Variants in GATAD2A observed in about 807,000 individuals in gnomAD.
GATAD2A encodes the protein GATA zinc finger domain containing 2A.
A neutral mutation model predicts 68.5 loss-of-function variants in GATAD2A; 12 were observed. The ratio of observed to expected loss-of-function variants is 0.18; its 90% CI spans 0.11 to 0.28. The LOEUF (loss-of-function observed/expected upper bound fraction) is 0.28. GATAD2A is among the 10% of genes least tolerant of loss of function. The pLI is 1.00. For missense variants in GATAD2A, 755 were observed against 868.5 expected (o/e 0.87, Z 1.64); for synonymous variants, 410 against 375.3 (o/e 1.09, Z -1.07).
upstream of GATAD2A, among the ~76,000 whole-genome samples, chr19:19,404,571 A>G (rs1019785169): frequency 1.3e-5 from 2 of 152,110 alleles, no homozygotes; most frequent in African/African-American, 4.8e-5. Flanking sequence ...AATCCCAGCT[A>G]CTGGGGAGGC....
Position 19,505,653 on chromosome 19 carries a change from C to A in GATAD2A, c.*179C>A. 1 of 558,520 alleles carries A rather than the reference C, an allele frequency of 1.8e-6. No homozygotes were observed. Among genetic ancestry groups the A allele is most frequent in the East Asian group, 3.4e-5 (1 of 29,164 alleles). The allele number at this position is 558,520 out of a possible 1,614,324, so 34.6% of individuals were successfully genotyped here. A position where few individuals can be genotyped will look rare whatever the true frequency, so the allele number is the denominator to read the frequency against. On this transcript the variant is annotated 3_prime_UTR_variant, in exon 12 of 12. Coordinates refer to ENST00000683918, the MANE Select transcript of GATAD2A (RefSeq NM_001384528.1). Reference sequence around the variant, plus strand: ...TCTTGGCTGCAAAGTTTCATCAGGGCTAGGGGGCTGGTGCCGCCTCATAGG... The same window carrying A: ...TCTTGGCTGCAAAGTTTCATCAGGGATAGGGGGCTGGTGCCGCCTCATAGG...
At chr19:19,472,380 C>A (rs2058375104) in intron 2 of GATAD2A, 1 of 151,544 alleles carries the variant, frequency 6.6e-6, no homozygotes, top group Non-Finnish European at 1.5e-5. Context: ...GTTGCCCAGA[C>A]TGGAGTGTGG....
chr19:19,494,802 C>G (rs938042719), intron 5 of GATAD2A, among the ~76,000 whole-genome samples: 2 of 152,212 alleles, frequency 1.3e-5, no homozygotes, highest in Non-Finnish European at 1.5e-5. Flanking sequence ...CAGGCCTGAG[C>G]CCTCAGCTTG....
At chr19:19,490,908 T>C (rs2059751049) in intron 2 of GATAD2A, among the ~76,000 whole-genome samples, 1 of 152,108 alleles carries the variant, frequency 6.6e-6, no homozygotes, top group Admixed American at 6.5e-5. Flanking sequence ...GAGAATACAA[T>C]GAACCCAGAT....
At chr19:19,440,928 TCCTTTTCTTCCTTC>T in intron 1 of GATAD2A, among the ~76,000 whole-genome samples, 1 of 117,650 alleles carries the variant, frequency 8.5e-6, no homozygotes, top group East Asian at 2.1e-4. Context: ...TCCCTTTCCT[TCCTTTTCTTCCTTC>T]CCTTTCCTTC....
At chr19:19,447,931 T>G (rs1361508444) in intron 1 of GATAD2A, among the ~76,000 whole-genome samples, 3 of 152,228 alleles carry the variant, frequency 2.0e-5, no homozygotes, top group Non-Finnish European at 4.4e-5. Flanking sequence ...GTTTCCAGTC[T>G]CAGGCCTTGA....
At chr19:19,416,692 A>G (rs1320419061) in intron 1 of GATAD2A, among the ~76,000 whole-genome samples, 1 of 151,996 alleles carries the variant, frequency 6.6e-6, no homozygotes, top group Non-Finnish European at 1.5e-5. Flanking sequence ...GCTTGGAAAA[A>G]TTGGAGTAGT....
intron 1 of GATAD2A, among the ~76,000 whole-genome samples, chr19:19,462,710 C>T (rs2057544378): frequency 1.3e-5 from 2 of 152,340 alleles, no homozygotes; most frequent in Middle Eastern, 3.4e-3. Context: ...GGCCCTGCTC[C>T]ATCCTGCATC....
rs1403045407 is a variant in GATAD2A, at chr19:19,505,866, AGCG to A, written c.*393_*395del. On this transcript the variant is annotated 3_prime_UTR_variant, in exon 12 of 12. Transcript: ENST00000683918. Reference sequence around the variant, plus strand: ...CACTGTGATGCGCATGGGCAAGGCCAGCGCCCGGGGCTTCTGAACCGAGCGGGG... The same window carrying A: ...CACTGTGATGCGCATGGGCAAGGCCACCCGGGGCTTCTGAACCGAGCGGGG... 1 of 401,504 alleles carries A rather than the reference AGCG, an allele frequency of 2.5e-6. No homozygotes were observed. Among genetic ancestry groups the A allele is most frequent in the Non-Finnish European group, 4.4e-6 (1 of 228,356 alleles). The allele number at this position is 401,504 out of a possible 1,614,324, so 24.9% of individuals were successfully genotyped here. A position where few individuals can be genotyped will look rare whatever the true frequency, so the allele number is the denominator to read the frequency against.
chr19:19,479,513 C>T (rs1376218746), intron 2 of GATAD2A, among the ~76,000 whole-genome samples: 3 of 152,154 alleles, frequency 2.0e-5, no homozygotes, highest in East Asian at 3.8e-4. Context: ...GACAGTTTCT[C>T]GTACTTTCTT....
intron 1 of GATAD2A, among the ~76,000 whole-genome samples, chr19:19,412,756 C>G (rs898674431): frequency 1.3e-5 from 2 of 152,158 alleles, no homozygotes; most frequent in Admixed American, 1.3e-4. Context: ...TGCAATTAAC[C>G]TTTGAGTCAG....
intron 1 of GATAD2A, among the ~76,000 whole-genome samples, chr19:19,418,841 C>T (rs992283235): frequency 3.3e-5 from 5 of 151,792 alleles, no homozygotes; most frequent in African/African-American, 1.2e-4. Flanking sequence ...GGGTTGTGGT[C>T]GCCGGAAGGA....
intron 2 of GATAD2A, among the ~76,000 whole-genome samples, chr19:19,466,051 C>T (rs989577472): frequency 5.9e-5 from 9 of 152,202 alleles, no homozygotes; most frequent in African/African-American, 1.4e-4. Context: ...GTTGGGAGCC[C>T]AGCCCAGGGC....
intron 2 of GATAD2A, among the ~76,000 whole-genome samples, chr19:19,489,281 T>TGAGCCTGGCGC (rs1278198105): frequency 6.6e-6 from 1 of 152,208 alleles, no homozygotes; most frequent in African/African-American, 2.4e-5. Context: ...AGCCCTGGGG[T>TGAGCCTGGCGC]GAGCCTGGCG....
At chr19:19,386,304 C>A (rs994315672) in intron 1 of GATAD2A, among the ~76,000 whole-genome samples, 1 of 152,086 alleles carries the variant, frequency 6.6e-6, no homozygotes, top group Non-Finnish European at 1.5e-5. Flanking sequence ...CTCCAGGGGA[C>A]CCCCGCCTCT....
At position 19,497,703 on chromosome 19, in the gene GATAD2A, G is replaced by A. The variant is rs191606421; in HGVS notation, c.925-740G>A. On this transcript the variant is annotated intron_variant, in intron 7 of 11. Transcript: ENST00000683918. ...AAGTCATTGGGTGTGTCCATTTTCTGGGGGTGGGGTGCACAGCTTTCATCA... is the reference window on the plus strand; with the variant it reads ...AAGTCATTGGGTGTGTCCATTTTCTAGGGGTGGGGTGCACAGCTTTCATCA... Among the ~76,000 whole-genome samples, 10 of 152,288 alleles carry A rather than the reference G, an allele frequency of 6.6e-5. No individual in the cohort carries two copies. In the East Asian group the frequency reaches 1.9e-3, roughly 29 times the overall value.
At chr19:19,450,355 A>G (rs948773041) in intron 1 of GATAD2A, among the ~76,000 whole-genome samples, 5 of 152,192 alleles carry the variant, frequency 3.3e-5, no homozygotes, top group Non-Finnish European at 5.9e-5. Flanking sequence ...AGAGCTGAGC[A>G]TGGCACTTGT....
At chr19:19,446,124 C>G (rs1002625972) in intron 1 of GATAD2A, among the ~76,000 whole-genome samples, 1 of 152,240 alleles carries the variant, frequency 6.6e-6, no homozygotes, top group Non-Finnish European at 1.5e-5. Flanking sequence ...TTCCATGTCA[C>G]TCTTACCATT....
At position 19,507,583 on chromosome 19, in the gene GATAD2A, G is replaced by C. The variant is rs2060919317; in HGVS notation, c.*2109G>C. On this transcript the variant is annotated 3_prime_UTR_variant, in exon 12 of 12. Transcript: ENST00000683918. ...CCGCACCTGCCGGCCCCCAGCCCCAGCTCCAGCTCCTGACCTCTCCCAGCC... is the reference window on the plus strand; with the variant it reads ...CCGCACCTGCCGGCCCCCAGCCCCACCTCCAGCTCCTGACCTCTCCCAGCC... 1 of 152,592 alleles carries C rather than the reference G, an allele frequency of 6.6e-6. No homozygotes were observed. The highest frequency in any genetic ancestry group is 1.5e-5 in the Non-Finnish European group (1 of 68,484). The allele number at this position is 152,592 out of a possible 1,614,324, so 9.5% of individuals were successfully genotyped here.
Sources: gnomAD v4.1 joint callset for allele counts (sites outside exome capture counted in the v4.1 genomes callset) on GRCh38, gnomAD v4.1.1 for gene constraint, MANE v1.5 for transcripts, NCBI Gene and HGNC (gene_info 2026-07-23, HGNC 2026-07-21) for gene names.